Variants in VWA5B1 observed in about 807,000 individuals in gnomAD.
VWA5B1 encodes the protein von Willebrand factor A domain-containing protein 5B1.
Under a neutral mutation model 118.2 loss-of-function variants are expected in VWA5B1, and 115 were observed. The observed-to-expected ratio is 0.97, with a 90% CI of 0.84 to 1.14. The LOEUF is 1.14. Among genes scored for constraint, VWA5B1 ranks in the 50% most tolerant of loss-of-function variants. VWA5B1 has a pLI of 0.00. For synonymous variants in VWA5B1, 682 were observed against 658.4 expected, an observed-to-expected ratio of 1.04 and a Z score of -0.55; for missense variants, 1,596 against 1,603.8, an observed-to-expected ratio of 1.00 and a Z score of 0.08.
intron 1 of VWA5B1, among the ~76,000 whole-genome samples, chr1:20,292,281 C>T (rs1413896605): frequency 5.9e-5 from 9 of 151,916 alleles, no homozygotes; most frequent in East Asian, 1.9e-4. Flanking sequence ...TGTCTAAACC[C>T]AGCCAGCTCA....
chr1:20,315,064 G>A (rs919392980), intron 4 of VWA5B1, among the ~76,000 whole-genome samples: 6 of 152,210 alleles, frequency 3.9e-5, no homozygotes. Context: ...TACAAGGAAG[G>A]AGAAGTTCAT....
Position 20,316,706 on chromosome 1 carries a change from C to T in VWA5B1, c.564-824C>T, listed in dbSNP as rs577367867. Reference sequence around the variant, plus strand: ...TTGGCTAAGCCGTTGCTCCTGGAGTCCTCAAAGCAACTGCAAAGTATTGTC... The same window carrying T: ...TTGGCTAAGCCGTTGCTCCTGGAGTTCTCAAAGCAACTGCAAAGTATTGTC... On this transcript the variant is annotated intron_variant, in intron 4 of 21. Coordinates refer to ENST00000289815, the MANE Select transcript of VWA5B1 (RefSeq NM_001039500.3). Among the ~76,000 whole-genome samples the T allele has an allele frequency of 2.0e-5, 3 of 152,236 alleles. No individual in the cohort carries two copies. In the South Asian group the frequency reaches 6.2e-4, roughly 32 times the overall value.
At chr1:20,347,239 T>C (rs1482037558) in intron 17 of VWA5B1, among the ~76,000 whole-genome samples, 1 of 152,258 alleles carries the variant, frequency 6.6e-6, no homozygotes, top group Non-Finnish European at 1.5e-5. Context: ...GTTCAAAAGC[T>C]TTCTTTACTG....
rs1428764859 is a variant in VWA5B1 at position 20,359,413 on chromosome 1, T to C, written c.*5150T>C. Among the ~76,000 whole-genome samples the C allele has an allele frequency of 2.0e-5, 3 of 152,022 alleles. No individual in the cohort carries two copies. The highest frequency in any genetic ancestry group is 7.2e-5 in the African/African-American group (3 of 41,382). On this transcript the variant is annotated 3_prime_UTR_variant, in exon 22 of 22. Coordinates refer to ENST00000289815, the MANE Select transcript of VWA5B1 (RefSeq NM_001039500.3). ...CTAATGTCCACTAATACTCAGCAAATCCTACCATGGGGCTGTGTGTGTGTC... is the reference window on the plus strand; with the variant it reads ...CTAATGTCCACTAATACTCAGCAAACCCTACCATGGGGCTGTGTGTGTGTC...
Position 20,353,943 on chromosome 1 carries a change from C to T in VWA5B1, c.3328C>T (p.Pro1110Ser). 6.4e-7 allele frequency: 1 copy of T among 1,551,260 alleles called. No individual in the cohort carries two copies. ...GTGCACCAGCTCCCCGCCTAGGCACCCGTCCTGTGACAGCTTCTCCCTGGA... is the reference window on the plus strand; with the variant it reads ...GTGCACCAGCTCCCCGCCTAGGCACTCGTCCTGTGACAGCTTCTCCCTGGA... ...QLCTSSPPRH[P>S]SCDSFSLEPL... The change falls in exon 22 of 22, where the codon CCG (proline) becomes TCG (serine). Residue 1110 changes from proline to serine, a missense_variant. Transcript: ENST00000289815.
chr1:20,345,500 G>A lies in VWA5B1; in HGVS notation c.2671G>A (p.Ala891Thr). The A allele has an allele frequency of 6.4e-7, 1 of 1,550,646 alleles. No individual in the cohort carries two copies. Among genetic ancestry groups the A allele is most frequent in the Admixed American group, 2.0e-5 (1 of 51,000 alleles). ...AGTGAGCGCCTTGCACACCAGCAAGGCCTGCAACATCATTAGCAAATACAC... is the reference window on the plus strand; with the variant it reads ...AGTGAGCGCCTTGCACACCAGCAAGACCTGCAACATCATTAGCAAATACAC... ...YQVSALHTSK[A>T]CNIISKYTAF... is the part of the protein sequence containing the mutation. The change falls in exon 17 of 22, where the codon GCC becomes ACC. Residue 891 changes from alanine to threonine, a missense_variant. Physicochemically the swap from Ala to Thr is moderately conservative, Grantham distance 58 (BLOSUM62 0). Coordinates refer to ENST00000289815, the MANE Select transcript of VWA5B1 (RefSeq NM_001039500.3).
chr1:20,332,701 A>T, intron 11 of VWA5B1, 65 bp from the exon 12 acceptor site: 1 of 1,507,288 alleles, frequency 6.6e-7, no homozygotes, highest in Non-Finnish European at 9.0e-7. Context: ...GCTGATACTT[A>T]CATGATCTTC....
intron 18 of VWA5B1, 31 bp downstream of exon 18, chr1:20,348,389 C>G: frequency 1.9e-6 from 3 of 1,549,446 alleles, no homozygotes; most frequent in East Asian, 2.4e-5. Flanking sequence ...AAGAGCCACC[C>G]TGGGCACTTT....
rs976506643 is a variant in VWA5B1 at position 20,358,219 on chromosome 1, C to T, written c.*3956C>T. Among the ~76,000 whole-genome samples, 1 of 152,226 alleles carries T rather than the reference C, an allele frequency of 6.6e-6. No individual in the cohort carries two copies. The highest frequency in any genetic ancestry group is 2.4e-5 in the African/African-American group (1 of 41,450). ...TTGCTGTGGCTGATGAATAGACTAG[C>T]TGCTTCCAAGACTCGATTCTGGTGG... On this transcript the variant is annotated 3_prime_UTR_variant, in exon 22 of 22. Coordinates refer to ENST00000289815, the MANE Select transcript of VWA5B1 (RefSeq NM_001039500.3).
intron 8 of VWA5B1, among the ~76,000 whole-genome samples, chr1:20,324,826 G>A (rs1367718632): frequency 6.6e-6 from 1 of 152,162 alleles, no homozygotes; most frequent in African/African-American, 2.4e-5. Context: ...CCTGTTTGAA[G>A]TCTCATGACA....
At chr1:20,335,049 C>G (rs1446718080) in intron 12 of VWA5B1, among the ~76,000 whole-genome samples, 1 of 152,134 alleles carries the variant, frequency 6.6e-6, no homozygotes, top group African/African-American at 2.4e-5. Flanking sequence ...TGGCTCACAC[C>G]TGTAATCCCA....
intron 15 of VWA5B1, 56 bp downstream of exon 15, chr1:20,342,665 T>C (rs542189494): frequency 3.5e-6 from 5 of 1,438,432 alleles, no homozygotes; most frequent in Non-Finnish European, 4.6e-6. Flanking sequence ...TCACTGGCTG[T>C]TGTTCAACTT....
intron 8 of VWA5B1, among the ~76,000 whole-genome samples, chr1:20,324,130 TTC>T (rs1296854800): frequency 6.6e-6 from 1 of 152,176 alleles, no homozygotes; most frequent in South Asian, 2.1e-4. Flanking sequence ...AAGACTTGGT[TTC>T]TCTTTTTTTC....
chr1:20,312,429 A>G (rs2088875930), intron 2 of VWA5B1, among the ~76,000 whole-genome samples: 1 of 152,232 alleles, frequency 6.6e-6, no homozygotes, highest in Non-Finnish European at 1.5e-5. Context: ...GCTAGGAAAC[A>G]TGATGGGGTC....
intron 8 of VWA5B1, among the ~76,000 whole-genome samples, chr1:20,326,730 T>C (rs899314247): frequency 6.6e-6 from 1 of 151,770 alleles, no homozygotes; most frequent in African/African-American, 2.4e-5. Flanking sequence ...ATTACAAGCG[T>C]GAGTTACCGT....
chr1:20,322,755 A>G (rs149712009), intron 7 of VWA5B1, among the ~76,000 whole-genome samples: 27 of 152,342 alleles, frequency 1.8e-4, no homozygotes, highest in African/African-American at 6.5e-4. Context: ...CACTGAACCC[A>G]TGCAACGACT....
At position 20,291,080 on chromosome 1, in the gene VWA5B1, T is replaced by C. The variant is rs2088287419; in HGVS notation, c.-35T>C. 1 of 152,020 alleles carries C rather than the reference T, an allele frequency of 6.6e-6. No homozygotes were observed. The highest frequency in any genetic ancestry group is 2.4e-5 in the African/African-American group (1 of 41,282). The allele number at this position is 152,020 out of a possible 1,614,324, so 9.4% of individuals were successfully genotyped here. A position where few individuals can be genotyped will look rare whatever the true frequency, so the allele number is the denominator to read the frequency against. ...TGTGTACCCAGACACGTGTTGCTTC[T>C]GGGGTAAGGTAAGGGCTGGCCCCAC... On this transcript the variant is annotated 5_prime_UTR_variant, in exon 1 of 22. Transcript: ENST00000289815.
rs571300803 is a variant in VWA5B1, at chr1:20,353,401, C to T, written c.3142-356C>T. Among the ~76,000 whole-genome samples, 10 of 152,002 alleles carry T rather than the reference C, an allele frequency of 6.6e-5. No individual in the cohort carries two copies. In the South Asian group the frequency reaches 1.7e-3, roughly 25 times the overall value. Reference sequence around the variant, plus strand: ...AGGAAGCACGTGATGGATTGCAGAGCGATTTAGAAAGTAGACCTGTTGAGA... The same window carrying T: ...AGGAAGCACGTGATGGATTGCAGAGTGATTTAGAAAGTAGACCTGTTGAGA... On this transcript the variant is annotated intron_variant, in intron 21 of 21. Coordinates refer to ENST00000289815, the MANE Select transcript of VWA5B1 (RefSeq NM_001039500.3).
chr1:20,327,787 G>C (rs1004863541), intron 8 of VWA5B1, 103 bp from the exon 9 acceptor site: 35 of 1,001,882 alleles, frequency 3.5e-5, no homozygotes, highest in Non-Finnish European at 4.9e-5. Flanking sequence ...GTAAAGGTCT[G>C]TTTGGAGGCT....
Sources: gnomAD v4.1 joint callset for allele counts (sites outside exome capture counted in the v4.1 genomes callset) on GRCh38, gnomAD v4.1.1 for gene constraint, MANE v1.5 for transcripts, NCBI Gene and HGNC (gene_info 2026-07-23, HGNC 2026-07-21) for gene names.